The following DSE variants were observed in gnomAD, a reference collection of about 807,000 sequenced individuals.
DSE encodes the protein dermatan sulfate epimerase.
Under a neutral mutation model 84.4 loss-of-function variants are expected in DSE, and 36 were observed. That is an observed-to-expected ratio of 0.43 (90% CI 0.33 to 0.56). The LOEUF (loss-of-function observed/expected upper bound fraction) is 0.56, where lower values mean the gene tolerates loss of function less well. DSE is among the 20% of genes least tolerant of loss of function. The pLI is 0.06. For synonymous variants in DSE, 410 were observed against 430.1 expected (o/e 0.95, Z 0.58); for missense variants, 862 against 1,169.6 (o/e 0.74, Z 3.84).
At chr6:116,268,168 T>C (rs1385282275) in intron 2 of DSE, among the ~76,000 whole-genome samples, 1 of 152,240 alleles carries the variant, frequency 6.6e-6, no homozygotes, top group African/African-American at 2.4e-5. Flanking sequence ...AGGTATACCA[T>C]TTTAAAATAT....
At chr6:116,286,052 G>T (rs1773883393) in intron 2 of DSE, among the ~76,000 whole-genome samples, 1 of 152,170 alleles carries the variant, frequency 6.6e-6, no homozygotes, top group Admixed American at 6.5e-5. Context: ...ATCCAATTCT[G>T]TGAAGAAAGT....
At chr6:116,332,268 A>C (rs1776995890) in intron 2 of DSE, among the ~76,000 whole-genome samples, 1 of 152,334 alleles carries the variant, frequency 6.6e-6, no homozygotes, top group East Asian at 1.9e-4. Context: ...ATCAATGAAT[A>C]CTTGTACTAC....
At chr6:116,282,241 A>G (rs949182088) in intron 2 of DSE, among the ~76,000 whole-genome samples, 56 of 152,384 alleles carry the variant, frequency 3.7e-4, no homozygotes, top group African/African-American at 1.3e-3. Context: ...ATAAAAAGGA[A>G]TATTGGAACT....
chr6:116,421,555 G>A (rs1331662536), intron 2 of DSE, among the ~76,000 whole-genome samples: 1 of 138,142 alleles, frequency 7.2e-6, no homozygotes, highest in African/African-American at 2.8e-5. Context: ...GCTCACTGCA[G>A]CTTTGAACTT....
At chr6:116,414,408 A>G (rs893860845) in intron 2 of DSE, among the ~76,000 whole-genome samples, 1 of 120,886 alleles carries the variant, frequency 8.3e-6, no homozygotes, top group Non-Finnish European at 1.8e-5. Context: ...TGGAATATCA[A>G]GTGTTTGCTC....
chr6:116,299,504 TTATATATA>T (rs71553739), intron 2 of DSE, among the ~76,000 whole-genome samples: 16 of 11,510 alleles, frequency 1.4e-3, no homozygotes, highest in African/African-American at 2.3e-3. Flanking sequence ...TGAATTATTT[TTATATATA>T]TATATATATA....
At chr6:116,374,137 A>T (rs909123269) in intron 1 of DSE, among the ~76,000 whole-genome samples, 3 of 151,644 alleles carry the variant, frequency 2.0e-5, no homozygotes, top group African/African-American at 7.3e-5. Context: ...GCAAGCTCCA[A>T]CCTGTTGAGG....
At chr6:116,374,150 G>A (rs941995974) in intron 1 of DSE, among the ~76,000 whole-genome samples, 1 of 151,762 alleles carries the variant, frequency 6.6e-6, no homozygotes. Flanking sequence ...TGTTGAGGGT[G>A]TGGATTCCAG....
chr6:116,357,975 T>C (rs1778670974), intron 2 of DSE, among the ~76,000 whole-genome samples: 1 of 152,232 alleles, frequency 6.6e-6, no homozygotes, highest in African/African-American at 2.4e-5. Flanking sequence ...CACTGATAAA[T>C]TAAAATGTCC....
At chr6:116,310,862 G>C (rs971832747) in intron 2 of DSE, among the ~76,000 whole-genome samples, 1 of 152,124 alleles carries the variant, frequency 6.6e-6, no homozygotes, top group African/African-American at 2.4e-5. Context: ...CTTCCTAATG[G>C]TTTCCCATTA....
At chr6:116,399,135 T>G in intron 1 of DSE, 63 bp from the exon 2 acceptor site, 1 of 1,381,776 alleles carries the variant, frequency 7.2e-7, no homozygotes, top group Non-Finnish European at 9.9e-7. Context: ...TCTTATATGT[T>G]TCCACACCTG....
chr6:116,338,182 T>C (rs891409521), intron 2 of DSE, among the ~76,000 whole-genome samples: 2 of 149,532 alleles, frequency 1.3e-5, no homozygotes, highest in African/African-American at 5.1e-5. Context: ...TTTCTCTTTC[T>C]TTCTTTCTTT....
rs1277661759 is a variant in DSE, at chr6:116,436,491, A to G, written c.2023A>G (p.Thr675Ala). The change falls in exon 6 of 6, where the codon ACT becomes GCT. Residue 675 changes from threonine to alanine, a missense_variant. Around this residue, in one of 4 missense-constraint regions of DSE, gnomAD observed 315 missense variants for 348.1 expected, o/e 0.90. Coordinates refer to ENST00000644252, the MANE Select transcript of DSE (RefSeq NM_013352.4). ...IGPSIDVQSF[T>A]VHGDSQQLDV... ...GCCATCTATAGATGTTCAGAGCTTC[A>G]CTGTCCACGGAGACTCTCAGCAACT... is the stretch of plus-strand genomic sequence containing the variant. 1 of 1,614,124 alleles carries G rather than the reference A, an allele frequency of 6.2e-7. No homozygotes were observed. The highest frequency in any genetic ancestry group is 8.5e-7 in the Non-Finnish European group (1 of 1,179,994).
chr6:116,418,292 T>C (rs1782848476), intron 2 of DSE, among the ~76,000 whole-genome samples: 2 of 152,176 alleles, frequency 1.3e-5, no homozygotes, highest in Non-Finnish European at 2.9e-5. Context: ...TTACTCTTCA[T>C]GGAATGAGGT....
chr6:116,258,971 G>T, intron 2 of DSE: 1 of 1,490,100 alleles, frequency 6.7e-7, no homozygotes, highest in Non-Finnish European at 9.4e-7. Context: ...CTGTGAGGTA[G>T]GTACTTGGCA....
chr6:116,306,058 G>T (rs1279012958), intron 2 of DSE, among the ~76,000 whole-genome samples: 1 of 152,088 alleles, frequency 6.6e-6, no homozygotes, highest in Admixed American at 6.6e-5. Context: ...ATGTGAGTAT[G>T]TGTATGTGTG....
intron 2 of DSE, among the ~76,000 whole-genome samples, chr6:116,401,634 C>T: frequency 6.6e-6 from 1 of 152,086 alleles, no homozygotes; most frequent in East Asian, 1.9e-4. Flanking sequence ...TTAAAAACTA[C>T]CACACCCAAC....
Position 116,440,280 on chromosome 6 carries a change from C to A in DSE, c.*2935C>A, listed in dbSNP as rs1317670101. Reference sequence around the variant, plus strand: ...TTTGAAAAGGAAAATTTACATTTGACTTACTCAGTTTTTAAAAAATTATTT... The same window carrying A: ...TTTGAAAAGGAAAATTTACATTTGAATTACTCAGTTTTTAAAAAATTATTT... On this transcript the variant is annotated 3_prime_UTR_variant, in exon 6 of 6. Coordinates refer to ENST00000644252, the MANE Select transcript of DSE (RefSeq NM_013352.4). The A allele has an allele frequency of 6.6e-6, 1 of 152,130 alleles. No individual in the cohort carries two copies. Among genetic ancestry groups the A allele is most frequent in the African/African-American group, 2.4e-5 (1 of 41,424 alleles). The allele number at this position is 152,130 out of a possible 1,614,324, so 9.4% of individuals were successfully genotyped here. A position where few individuals can be genotyped will look rare whatever the true frequency, so the allele number is the denominator to read the frequency against.
chr6:116,305,489 C>T (rs1775291395), intron 2 of DSE, among the ~76,000 whole-genome samples: 1 of 152,114 alleles, frequency 6.6e-6, no homozygotes, highest in African/African-American at 2.4e-5. Flanking sequence ...ATACATGGTC[C>T]TGGATTAGGT....
Sources: allele counts gnomAD v4.1 joint callset (sites outside exome capture counted in the v4.1 genomes callset), GRCh38; gene constraint gnomAD v4.1.1; regional missense constraint gnomAD v4.1.1; transcripts MANE v1.5; gene names NCBI Gene and HGNC (gene_info 2026-07-23, HGNC 2026-07-21).